STOX2: variants seen among roughly 807,000 people sequenced by gnomAD.
STOX2 encodes storkhead box 2, also known as storkhead-box protein 2.
In STOX2, 28 loss-of-function variants were observed where a neutral mutation model predicts 60.9. That is an observed-to-expected ratio of 0.46 (90% CI 0.34 to 0.63). The LOEUF is 0.63. STOX2 is among the 30% of genes least tolerant of loss of function. The pLI is 0.01. For missense variants in STOX2, 1,024 were observed against 1,187.7 expected, an observed-to-expected ratio of 0.86 and a Z score of 2.03; for synonymous variants, 472 against 463.9, an observed-to-expected ratio of 1.02 and a Z score of -0.22.
In STOX2 at chr4:183,836,309, G is replaced by A. The variant is rs1739706986; in HGVS notation, c.364+38254G>A. Among the ~76,000 whole-genome samples, 1 of 152,144 alleles carries A rather than the reference G, an allele frequency of 6.6e-6. No homozygotes were observed. Among genetic ancestry groups the A allele is most frequent in the Non-Finnish European group, 1.5e-5 (1 of 68,028 alleles). ...GCAGATCCTCTTCTGCAAGTCAATG[G>A]GTATGGTTGTGGTGTAGCGGGTTTC... On this transcript the variant is annotated intron_variant, in intron 1 of 2. Transcript: ENST00000513034. The surrounding 1 kb of genome is among the most constrained non-coding windows in gnomAD (Gnocchi z 4.1).
chr4:183,908,738 C>T (rs565501137), intron 1 of STOX2, among the ~76,000 whole-genome samples: 2 of 152,104 alleles, frequency 1.3e-5, no homozygotes, highest in African/African-American at 4.8e-5. Flanking sequence ...ACTTGATTCC[C>T]TTATTTTATT....
chr4:183,833,573 G>A (rs1739623233), intron 1 of STOX2, among the ~76,000 whole-genome samples: 1 of 151,706 alleles, frequency 6.6e-6, no homozygotes, highest in East Asian at 1.9e-4. Context: ...CAGAGAAATA[G>A]CGTTGGCAAG....
intron 1 of STOX2, among the ~76,000 whole-genome samples, chr4:183,995,229 C>A (rs1208583418): frequency 6.7e-6 from 1 of 148,950 alleles, no homozygotes; most frequent in Non-Finnish European, 1.5e-5. Flanking sequence ...GTTCCTGGAA[C>A]CTCAATTAAT....
intron 1 of STOX2, among the ~76,000 whole-genome samples, chr4:183,808,351 G>T (rs1028457683): frequency 6.6e-6 from 1 of 152,184 alleles, no homozygotes; most frequent in Non-Finnish European, 1.5e-5. Context: ...TCTGTCCTGG[G>T]TTGGTCGTGA....
intron 1 of STOX2, among the ~76,000 whole-genome samples, chr4:183,946,835 C>G (rs1004149458): frequency 2.6e-5 from 4 of 152,154 alleles, no homozygotes; most frequent in Non-Finnish European, 5.9e-5. Context: ...CCATGTTGGT[C>G]AGGCTGGTCT....
At chr4:183,950,311 G>A (rs1369927816) in intron 1 of STOX2, among the ~76,000 whole-genome samples, 1 of 152,182 alleles carries the variant, frequency 6.6e-6, no homozygotes, top group African/African-American at 2.4e-5. Flanking sequence ...AGTTGAAATG[G>A]TCTCCGCCTT....
intron 1 of STOX2, among the ~76,000 whole-genome samples, chr4:183,802,539 A>G (rs1248171612): frequency 6.7e-6 from 1 of 150,362 alleles, no homozygotes; most frequent in Non-Finnish European, 1.5e-5. Flanking sequence ...AAGCCTGGCT[A>G]ATTTTTAACT....
chr4:183,835,061 A>G (rs1270183033), intron 1 of STOX2, among the ~76,000 whole-genome samples: 2 of 152,020 alleles, frequency 1.3e-5, no homozygotes, highest in African/African-American at 4.8e-5. Flanking sequence ...AGGAGAGCAT[A>G]GGTGAGATTG....
At position 183,835,825 on chromosome 4, in the gene STOX2, A is replaced by G. The variant is rs78461230; in HGVS notation, c.364+37770A>G. ...GCTATTAAGAGTAATGCAGCTACAA[A>G]CATTCCCTACAAGTCTTTGTGTGAC... On this transcript the variant is annotated intron_variant, in intron 1 of 2. Coordinates refer to the STOX2 transcript ENST00000513034. 7.9e-3 allele frequency among the ~76,000 whole-genome samples: 1,201 copies of G among 152,224 alleles called. 14 individuals are homozygous for G. The highest frequency in any genetic ancestry group is 0.027 in the African/African-American group (1,141 of 41,518).
At chr4:184,004,809 C>T (rs1733755637) in intron 2 of STOX2, among the ~76,000 whole-genome samples, 1 of 152,138 alleles carries the variant, frequency 6.6e-6, no homozygotes, top group African/African-American at 2.4e-5. Flanking sequence ...AACTATGCAT[C>T]CATTCATCCA....
At chr4:183,999,772 A>G (rs1444542503) in intron 1 of STOX2, among the ~76,000 whole-genome samples, 1 of 152,106 alleles carries the variant, frequency 6.6e-6, no homozygotes, top group African/African-American at 2.4e-5. Flanking sequence ...GTTTTTCCCC[A>G]TAGGGACTCT....
chr4:183,873,532 C>T (rs963204897), intron 1 of STOX2, among the ~76,000 whole-genome samples: 3 of 151,666 alleles, frequency 2.0e-5, no homozygotes, highest in Non-Finnish European at 4.4e-5. Context: ...CCTGCCTTGA[C>T]AAGCACTAAA....
At chr4:183,991,491 G>A (rs921761974) in intron 1 of STOX2, among the ~76,000 whole-genome samples, 19 of 151,332 alleles carry the variant, frequency 1.3e-4, no homozygotes, top group Middle Eastern at 3.4e-3. Flanking sequence ...GCAATGGCAC[G>A]GTCTTGGCTC....
At chr4:183,810,000 A>G (rs967452469) in intron 1 of STOX2, among the ~76,000 whole-genome samples, 5 of 152,236 alleles carry the variant, frequency 3.3e-5, no homozygotes, top group African/African-American at 7.2e-5. Flanking sequence ...GTAAATCACT[A>G]ACAGTAAACT....
intron 1 of STOX2, among the ~76,000 whole-genome samples, chr4:183,951,612 G>C (rs1217680042): frequency 1.3e-5 from 2 of 151,444 alleles, no homozygotes; most frequent in African/African-American, 4.9e-5. Flanking sequence ...CGCTGCGCTC[G>C]GCAAGGAAGA....
Position 183,881,479 on chromosome 4 carries a change from C to G in STOX2, c.364+83424C>G, listed in dbSNP as rs901134350. ...ATTGCACCACTGCACTTCAGCCTGG[C>G]GACAATGCAAAACTCCTTCTGAAAA... On this transcript the variant is annotated intron_variant, in intron 1 of 2. Coordinates refer to the STOX2 transcript ENST00000513034. 2.6e-5 allele frequency among the ~76,000 whole-genome samples: 4 copies of G among 152,050 alleles called. No individual in the cohort carries two copies. The South Asian group carries it at 6.2e-4, about 24-fold the overall frequency.
intron 1 of STOX2, among the ~76,000 whole-genome samples, chr4:183,838,047 A>C (rs1718661235): frequency 6.6e-6 from 1 of 152,148 alleles, no homozygotes; most frequent in Admixed American, 6.5e-5. Flanking sequence ...TTAAAACAGA[A>C]AATCACCGCT....
intron 1 of STOX2, among the ~76,000 whole-genome samples, chr4:183,954,993 G>A (rs758805238): frequency 1.2e-4 from 19 of 152,166 alleles, no homozygotes; most frequent in South Asian, 2.1e-4. Flanking sequence ...GAACTACCAC[G>A]CCCGGCCCCC....
intron 1 of STOX2, among the ~76,000 whole-genome samples, chr4:183,877,190 A>G (rs1173680639): frequency 1.3e-5 from 2 of 152,202 alleles, no homozygotes; most frequent in Admixed American, 6.5e-5. Flanking sequence ...TTTTAGCTCT[A>G]AGTTCTGTGA....
Sources: allele counts gnomAD v4.1 joint callset (sites outside exome capture counted in the v4.1 genomes callset), GRCh38; gene constraint gnomAD v4.1.1; non-coding constraint Gnocchi (gnomAD v3.1); transcripts MANE v1.5; gene names NCBI Gene and HGNC (gene_info 2026-07-23, HGNC 2026-07-21).